ATF7IP2: variants seen among roughly 807,000 people sequenced by gnomAD.
ATF7IP2 encodes activating transcription factor 7 interacting protein 2.
In ATF7IP2, 42 loss-of-function variants were observed where a neutral mutation model predicts 64.2. The ratio of observed to expected loss-of-function variants is 0.65; its 90% CI spans 0.51 to 0.85. The LOEUF (loss-of-function observed/expected upper bound fraction) is 0.85, where lower values mean the gene tolerates loss of function less well. ATF7IP2 is among the 40% of genes least tolerant of loss of function. The probability of loss-of-function intolerance (pLI) is 0.00; values close to 1 mark genes in which losing one functional copy is unlikely to be tolerated. For missense variants in ATF7IP2, 933 were observed against 784.2 expected (o/e 1.19, Z -2.27); for synonymous variants, 308 against 272.8 (o/e 1.13, Z -1.27).
At chr16:10,423,620 G>A (rs566882158) in intron 3 of ATF7IP2, among the ~76,000 whole-genome samples, 1 of 152,154 alleles carries the variant, frequency 6.6e-6, no homozygotes, top group African/African-American at 2.4e-5. Context: ...TGGAGGGTCA[G>A]GCCACTCTTT....
chr16:10,393,847 C>T (rs779979430), intron 1 of ATF7IP2, among the ~76,000 whole-genome samples: 23 of 152,058 alleles, frequency 1.5e-4, no homozygotes, highest in Non-Finnish European at 2.9e-4. Context: ...TTGAGATGAG[C>T]TTGGGCACCA....
chr16:10,454,372 T>C (rs1416895541), intron 8 of ATF7IP2: 2 of 133,966 alleles, frequency 1.5e-5, no homozygotes, highest in African/African-American at 5.6e-5. Flanking sequence ...ATTGTGCCAC[T>C]GTACTCCAGC....
chr16:10,443,963 A>G (rs1167862443), intron 8 of ATF7IP2, among the ~76,000 whole-genome samples: 1 of 152,192 alleles, frequency 6.6e-6, no homozygotes, highest in Non-Finnish European at 1.5e-5. Flanking sequence ...GAGTGGTCCA[A>G]TAAACACGTT....
At chr16:10,400,387 A>T (rs897930768) in intron 1 of ATF7IP2, among the ~76,000 whole-genome samples, 1 of 152,202 alleles carries the variant, frequency 6.6e-6, no homozygotes, top group Non-Finnish European at 1.5e-5. Flanking sequence ...TATTAAATTA[A>T]GAGTTTTTTG....
intron 6 of ATF7IP2, among the ~76,000 whole-genome samples, chr16:10,435,529 A>T (rs753011465): frequency 6.6e-6 from 1 of 152,192 alleles, no homozygotes; most frequent in Non-Finnish European, 1.5e-5. Context: ...GATGGAGGTT[A>T]TTGTGTCTTC....
Position 10,440,462 on chromosome 16 carries a change from G to T in ATF7IP2, c.1194G>T (p.Lys398Asn). 2 of 1,485,278 alleles carry T rather than the reference G, an allele frequency of 1.3e-6. No individual in the cohort carries two copies. The highest frequency in any genetic ancestry group is 1.8e-6 in the Non-Finnish European group (2 of 1,095,590). The allele number at this position is 1,485,278 out of a possible 1,614,324, so 92.0% of individuals were successfully genotyped here. ...TGTTATCCAGTAATGGAGCCTCTAA[G>T]GTTTGTATAAACACACAGGAATTGT... ...PNMLSSNGAS[K>N]VANSEAMILD... is the part of the protein sequence containing the mutation. Residue 398 changes from lysine (K) to asparagine (N), a missense_variant and splice_region_variant, in exon 8 of 14, where the codon AAG (lysine) becomes AAT (asparagine). Transcript: ENST00000562102.
rs1020289263 is a variant in ATF7IP2, at chr16:10,483,005, T to C, written c.*756T>C. ...CTGGGATTATAGGCGTAAGCCACCA[T>C]GCCTGGCCAAAAATTAAAAGATTTT... On this transcript the variant is annotated 3_prime_UTR_variant, in exon 14 of 14. Transcript: ENST00000562102. 6.6e-6 allele frequency: 1 copy of C among 152,234 alleles called. No individual in the cohort carries two copies. Among genetic ancestry groups the C allele is most frequent in the Admixed American group, 6.5e-5 (1 of 15,286 alleles). 9.4% of individuals were successfully genotyped at this position (152,234 alleles called of 1,614,324 possible).
chr16:10,449,253 G>A (rs1328334828), intron 8 of ATF7IP2: 3 of 152,178 alleles, frequency 2.0e-5, no homozygotes, highest in African/African-American at 4.8e-5. Context: ...GTTCATCAGG[G>A]ATATTGGCCT....
At chr16:10,458,645 C>T (rs1268484269) in intron 9 of ATF7IP2, among the ~76,000 whole-genome samples, 1 of 152,198 alleles carries the variant, frequency 6.6e-6, no homozygotes, top group Middle Eastern at 3.4e-3. Context: ...AGAAATAACA[C>T]CAGCTTGAAG....
chr16:10,438,604 A>G (rs2048500751), intron 7 of ATF7IP2, among the ~76,000 whole-genome samples: 1 of 152,130 alleles, frequency 6.6e-6, no homozygotes, highest in Non-Finnish European at 1.5e-5. Flanking sequence ...CATATTAGCA[A>G]AGGAAAACAA....
intron 1 of ATF7IP2, among the ~76,000 whole-genome samples, chr16:10,390,680 T>C (rs1207770573): frequency 6.6e-6 from 1 of 152,054 alleles, no homozygotes; most frequent in Non-Finnish European, 1.5e-5. Context: ...TCCTACCTCC[T>C]TGGGAGGCTG....
At chr16:10,423,493 C>G (rs912948374) in intron 3 of ATF7IP2, among the ~76,000 whole-genome samples, 5 of 152,176 alleles carry the variant, frequency 3.3e-5, no homozygotes, top group African/African-American at 1.2e-4. Context: ...CTATATCACC[C>G]TCTCGTCTAG....
Position 10,431,058 on chromosome 16 carries a change from G to A in ATF7IP2, c.438G>A (p.Glu146=). ...TGAACACTTCTGAAAACGATTCTGA[G>A]CATCAGACAAATGTAACAAGATCCC... ...DSLNTSENDS[E]HQTNVTRSLF... is the part of the protein sequence containing the mutation. Residue 146 remains glutamate (E), a synonymous_variant, in exon 5 of 14, where the codon GAG becomes GAA. Transcript: ENST00000562102. 1 of 1,614,130 alleles carries A rather than the reference G, an allele frequency of 6.2e-7. No homozygotes were observed.
At chr16:10,389,272 A>ATATT (rs966432811) in intron 1 of ATF7IP2, among the ~76,000 whole-genome samples, 2 of 152,180 alleles carry the variant, frequency 1.3e-5, no homozygotes, top group African/African-American at 4.8e-5. Flanking sequence ...TATATAGAGA[A>ATATT]TATTTATAAC....
intron 6 of ATF7IP2, among the ~76,000 whole-genome samples, chr16:10,437,254 C>G (rs2048452216): frequency 1.3e-5 from 2 of 152,132 alleles, no homozygotes. Flanking sequence ...CTCCTGACCT[C>G]GTGATCTGCC....
chr16:10,391,790 G>T (rs1310084036), intron 1 of ATF7IP2, among the ~76,000 whole-genome samples: 1 of 151,936 alleles, frequency 6.6e-6, no homozygotes, highest in African/African-American at 2.4e-5. Flanking sequence ...CCAGCTGCTG[G>T]AGGGCTGAAG....
intron 8 of ATF7IP2, chr16:10,449,139 C>G (rs1332916784): frequency 6.6e-6 from 1 of 152,142 alleles, no homozygotes; most frequent in East Asian, 1.9e-4. Flanking sequence ...GTTGAACCAG[C>G]CCTGCATCCT....
intron 8 of ATF7IP2, chr16:10,445,364 A>G (rs1317563069): frequency 6.6e-6 from 1 of 152,316 alleles, no homozygotes; most frequent in East Asian, 1.9e-4. Context: ...GAGTTAAGTG[A>G]AAAACAGGCC....
chr16:10,453,796 T>C (rs1272060337), intron 8 of ATF7IP2, among the ~76,000 whole-genome samples: 1 of 152,008 alleles, frequency 6.6e-6, no homozygotes, highest in Non-Finnish European at 1.5e-5. Context: ...TTTGTATTTT[T>C]AGTAGAGACA....
Sources: allele counts gnomAD v4.1 joint callset (sites outside exome capture counted in the v4.1 genomes callset), GRCh38; gene constraint gnomAD v4.1.1; transcripts MANE v1.5; gene names NCBI Gene and HGNC (gene_info 2026-07-23, HGNC 2026-07-21).